The following CHRNA7 variants were observed in gnomAD, a reference collection of about 807,000 sequenced individuals.
CHRNA7 encodes cholinergic receptor nicotinic alpha 7 subunit, also known as neuronal acetylcholine receptor subunit alpha-7.
A neutral mutation model predicts 48.0 loss-of-function variants in CHRNA7; 17 were observed. The ratio of observed to expected loss-of-function variants is 0.35; its 90% CI spans 0.24 to 0.53. CHRNA7 has a LOEUF of 0.53. Among genes scored for constraint, CHRNA7 ranks in the 20% least tolerant of loss-of-function variants. The pLI, the probability that CHRNA7 is intolerant of heterozygous loss-of-function variation, is 0.92. For synonymous variants in CHRNA7, 75 were observed against 242.3 expected, an observed-to-expected ratio of 0.31 and a Z score of 6.41; for missense variants, 155 against 577.7, an observed-to-expected ratio of 0.27 and a Z score of 7.50.
chr15:32,039,639 A>G (rs2141168557), intron 2 of CHRNA7, among the ~76,000 whole-genome samples: 1 of 152,224 alleles, frequency 6.6e-6, no homozygotes. Context: ...TGTAATTTCT[A>G]TTCTTTTAAA....
chr15:32,140,638 C>T (rs1454000893), intron 4 of CHRNA7, among the ~76,000 whole-genome samples: 2 of 152,180 alleles, frequency 1.3e-5, no homozygotes, highest in Non-Finnish European at 2.9e-5. Flanking sequence ...GAGATGGTAT[C>T]TCATTGTGGT....
intron 2 of CHRNA7, among the ~76,000 whole-genome samples, chr15:32,087,091 G>A (rs1220109098): frequency 6.6e-6 from 1 of 152,120 alleles, no homozygotes; most frequent in Non-Finnish European, 1.5e-5. Flanking sequence ...TGAAGGCAAA[G>A]TGTCTACATA....
chr15:32,070,258 T>C (rs957281422), intron 2 of CHRNA7, among the ~76,000 whole-genome samples: 27 of 152,128 alleles, frequency 1.8e-4, no homozygotes, highest in Non-Finnish European at 8.8e-5. Flanking sequence ...CCCTTACACC[T>C]CAGCTTCCTC....
At chr15:32,138,702 C>G (rs900330668) in intron 4 of CHRNA7, among the ~76,000 whole-genome samples, 4 of 143,894 alleles carry the variant, frequency 2.8e-5, no homozygotes, top group Non-Finnish European at 4.7e-5. Flanking sequence ...CGCCCTCTCT[C>G]TGCAATCCAT....
In CHRNA7 at chr15:32,170,430, T is replaced by TG. The variant is rs1272039257; in HGVS notation, c.*1972_*1973insG. The TG allele has an allele frequency of 6.7e-6, 1 of 149,978 alleles. No individual in the cohort carries two copies. The highest frequency in any genetic ancestry group is 1.5e-5 in the Non-Finnish European group (1 of 67,310). 9.3% of individuals were successfully genotyped at this position (149,978 alleles called of 1,614,324 possible). A position where few individuals can be genotyped will look rare whatever the true frequency, so the allele number is the denominator to read the frequency against. ...GAACCATGCACAAGATTTTCGGTTT[T>TG]TTTTTTTTTTTCTGTTACAGTGTCT... On this transcript the variant is annotated 3_prime_UTR_variant, in exon 10 of 10. Coordinates refer to ENST00000306901, the MANE Select transcript of CHRNA7 (RefSeq NM_000746.6).
rs1461342739 is a variant in CHRNA7 at position 32,168,925 on chromosome 15, AAAC to A, written c.*470_*472del. On this transcript the variant is annotated 3_prime_UTR_variant, in exon 10 of 10. Transcript: ENST00000306901. ...AATTGACTGGTGGAAGGAAAACAAA[AAAC>A]AAAAACTAAAAACCTCTTAGCTTTT... 3.4e-5 allele frequency: 4 copies of A among 117,574 alleles called. No homozygotes were observed. Among genetic ancestry groups the A allele is most frequent in the African/African-American group, 1.3e-4 (4 of 30,536 alleles). 7.3% of individuals were successfully genotyped at this position (117,574 alleles called of 1,614,324 possible).
intron 3 of CHRNA7, among the ~76,000 whole-genome samples, chr15:32,104,260 AC>A (rs747289292): frequency 5.2e-4 from 78 of 151,016 alleles, no homozygotes; most frequent in Non-Finnish European, 9.7e-4. Context: ...CACACACGTC[AC>A]CCGAGCCCGT....
intron 2 of CHRNA7, among the ~76,000 whole-genome samples, chr15:32,040,485 A>C (rs894165309): frequency 2.6e-5 from 4 of 152,024 alleles, no homozygotes; most frequent in Non-Finnish European, 5.9e-5. Flanking sequence ...TTCATGTTAC[A>C]TTATACCACT....
intron 3 of CHRNA7, 74 bp from the exon 4 acceptor site, chr15:32,111,716 T>TA (rs1433302666): frequency 2.5e-5 from 21 of 827,420 alleles, no homozygotes; most frequent in Non-Finnish European, 3.5e-5. Context: ...GTTTTGCACT[T>TA]ACCTAATAAT....
chr15:32,076,155 T>C (rs558192200), intron 2 of CHRNA7, among the ~76,000 whole-genome samples: 14 of 152,246 alleles, frequency 9.2e-5, no homozygotes, highest in African/African-American at 3.4e-4. Flanking sequence ...TTCATTGGGG[T>C]GTTGTGTAAA....
At chr15:32,093,978 G>T (rs1415508473) in intron 2 of CHRNA7, among the ~76,000 whole-genome samples, 2 of 152,180 alleles carry the variant, frequency 1.3e-5, no homozygotes, top group African/African-American at 4.8e-5. Flanking sequence ...TCCAAAGACT[G>T]CAGTCTCTGC....
intron 2 of CHRNA7, among the ~76,000 whole-genome samples, chr15:32,042,829 T>G (rs1448672293): frequency 6.6e-6 from 1 of 152,250 alleles, no homozygotes; most frequent in Non-Finnish European, 1.5e-5. Flanking sequence ...ATTCTGAGCT[T>G]CTTGCATCAG....
chr15:32,089,632 A>G (rs956447590), intron 2 of CHRNA7, among the ~76,000 whole-genome samples: 2 of 152,172 alleles, frequency 1.3e-5, no homozygotes, highest in African/African-American at 4.8e-5. Flanking sequence ...CACCTTTAGC[A>G]TATTTATCAC....
chr15:32,093,641 G>A, intron 2 of CHRNA7, among the ~76,000 whole-genome samples: 1 of 152,168 alleles, frequency 6.6e-6, no homozygotes, highest in South Asian at 2.1e-4. Context: ...CTAAGCTCAG[G>A]AAACCCACCT....
At chr15:32,134,953 G>A (rs1420264317) in intron 4 of CHRNA7, among the ~76,000 whole-genome samples, 4 of 152,228 alleles carry the variant, frequency 2.6e-5, no homozygotes, top group Admixed American at 6.5e-5. Flanking sequence ...ATTTACGGTC[G>A]TGCAATAATA....
intron 3 of CHRNA7, among the ~76,000 whole-genome samples, chr15:32,106,523 G>A (rs572508737): frequency 5.9e-5 from 9 of 152,270 alleles, no homozygotes; most frequent in Admixed American, 5.9e-4. Flanking sequence ...TTCATGTTCC[G>A]AGGAGGAAGC....
At chr15:32,078,339 T>C (rs1184776609) in intron 2 of CHRNA7, among the ~76,000 whole-genome samples, 1 of 152,138 alleles carries the variant, frequency 6.6e-6, no homozygotes, top group Non-Finnish European at 1.5e-5. Flanking sequence ...TCTTCTAGTT[T>C]TATAGTTTTG....
At chr15:32,141,398 T>G (rs2051375936) in intron 4 of CHRNA7, among the ~76,000 whole-genome samples, 1 of 152,184 alleles carries the variant, frequency 6.6e-6, no homozygotes, top group African/African-American at 2.4e-5. Flanking sequence ...TTGTCTTGGC[T>G]ATGTGGGCTC....
intron 2 of CHRNA7, among the ~76,000 whole-genome samples, chr15:32,070,529 C>G (rs2050037094): frequency 6.6e-6 from 1 of 151,828 alleles, no homozygotes; most frequent in African/African-American, 2.4e-5. Flanking sequence ...GTGTCATGTC[C>G]AAGAACATTT....
Sources: gnomAD v4.1 joint callset for allele counts (sites outside exome capture counted in the v4.1 genomes callset) on GRCh38, gnomAD v4.1.1 for gene constraint, MANE v1.5 for transcripts, NCBI Gene and HGNC (gene_info 2026-07-23, HGNC 2026-07-21) for gene names.